CNTLN: variants seen among roughly 807,000 people sequenced by gnomAD.
The protein encoded by CNTLN is centlein, centrosomal protein.
A neutral mutation model predicts 180.0 loss-of-function variants in CNTLN; 212 were observed. The ratio of observed to expected loss-of-function variants is 1.18; its 90% CI spans 1.05 to 1.32. The LOEUF (loss-of-function observed/expected upper bound fraction) is 1.32, where lower values mean the gene tolerates loss of function less well. Ranked by LOEUF, CNTLN falls within the 40% of genes most tolerant of loss-of-function variation. The probability of loss-of-function intolerance (pLI) is 0.00; values close to 1 mark genes in which losing one functional copy is unlikely to be tolerated. For synonymous variants in CNTLN, 722 were observed against 563.1 expected (o/e 1.28, Z -3.99); for missense variants, 2,095 against 1,610.9 (o/e 1.30, Z -5.14).
Position 17,416,205 on chromosome 9 carries a change from A to G in CNTLN, c.3114+16A>G, listed in dbSNP as rs1476205422. On this transcript the variant is annotated intron_variant, in intron 18 of 25. Coordinates refer to ENST00000380647, the MANE Select transcript of CNTLN (RefSeq NM_017738.4). Reference sequence around the variant, plus strand: ...GACAATAAAGGTAAAGAGAACTTTAAGATTGAACAGTAGTATACTATATTG... The same window carrying G: ...GACAATAAAGGTAAAGAGAACTTTAGGATTGAACAGTAGTATACTATATTG... 6.4e-7 allele frequency: 1 copy of G among 1,571,180 alleles called. No individual in the cohort carries two copies. Among genetic ancestry groups the G allele is most frequent in the African/African-American group, 1.4e-5 (1 of 73,644 alleles).
At chr9:17,348,137 A>T (rs1286377961) in intron 12 of CNTLN, among the ~76,000 whole-genome samples, 1 of 152,064 alleles carries the variant, frequency 6.6e-6, no homozygotes, top group Non-Finnish European at 1.5e-5. Context: ...ACCAAAACCC[A>T]TTTTATGATA....
chr9:17,296,007 T>A (rs924305075), intron 6 of CNTLN, among the ~76,000 whole-genome samples: 190 of 92,468 alleles, frequency 2.1e-3, no homozygotes, highest in African/African-American at 5.9e-3. Context: ...AGTGTGTGTG[T>A]GTGTGTGTGT....
At chr9:17,198,603 T>G (rs1822299224) in intron 2 of CNTLN, among the ~76,000 whole-genome samples, 1 of 144,034 alleles carries the variant, frequency 6.9e-6, no homozygotes, top group Non-Finnish European at 1.5e-5. Context: ...TGTATGTTAA[T>G]TTTTTTTTTT....
chr9:17,378,655 C>T (rs112527271), intron 13 of CNTLN, among the ~76,000 whole-genome samples: 83 of 151,942 alleles, frequency 5.5e-4, no homozygotes, highest in Non-Finnish European at 1.1e-3. Flanking sequence ...TTCTTTTCTT[C>T]CTTTGTGGCT....
chr9:17,181,195 C>G (rs1176722356), intron 2 of CNTLN, among the ~76,000 whole-genome samples: 4 of 152,124 alleles, frequency 2.6e-5, no homozygotes, highest in Admixed American at 2.6e-4. Context: ...AGATCTTTGA[C>G]AGGCCTCTGA....
At chr9:17,357,661 A>G (rs920062351) in intron 12 of CNTLN, among the ~76,000 whole-genome samples, 3 of 149,388 alleles carry the variant, frequency 2.0e-5, no homozygotes, top group East Asian at 1.9e-4. Flanking sequence ...AAAGAATTAC[A>G]TAAGAAAATC....
At chr9:17,360,737 G>GTTTTT (rs1476035113) in intron 12 of CNTLN, among the ~76,000 whole-genome samples, 1 of 152,190 alleles carries the variant, frequency 6.6e-6, no homozygotes, top group East Asian at 1.9e-4. Flanking sequence ...CGTCCTTCTG[G>GTTTTT]TATTTATTTT....
chr9:17,174,953 G>T (rs779192722), intron 2 of CNTLN, among the ~76,000 whole-genome samples: 1 of 152,056 alleles, frequency 6.6e-6, no homozygotes, highest in Admixed American at 6.5e-5. Flanking sequence ...TGTCCTCTTC[G>T]ATGAGGACAT....
chr9:17,384,332 G>A (rs887117393), intron 13 of CNTLN, among the ~76,000 whole-genome samples: 21 of 149,784 alleles, frequency 1.4e-4, no homozygotes, highest in Admixed American at 1.1e-3. Flanking sequence ...CCTACCTCTC[G>A]TCCTAGAAAA....
intron 3 of CNTLN, among the ~76,000 whole-genome samples, chr9:17,228,994 A>C (rs1824647949): frequency 6.6e-6 from 1 of 152,106 alleles, no homozygotes; most frequent in Admixed American, 6.6e-5. Context: ...TGGAAGCATG[A>C]ATCTGATGAA....
At chr9:17,293,801 C>A (rs563065945) in intron 6 of CNTLN, among the ~76,000 whole-genome samples, 1 of 152,122 alleles carries the variant, frequency 6.6e-6, no homozygotes, top group Non-Finnish European at 1.5e-5. Flanking sequence ...TGCTGAGAGG[C>A]CACCAAGAGG....
chr9:17,263,678 A>T (rs930302525), intron 5 of CNTLN, among the ~76,000 whole-genome samples: 25 of 143,020 alleles, frequency 1.7e-4, no homozygotes, highest in Non-Finnish European at 3.3e-4. Flanking sequence ...AAGTGTTCCT[A>T]TTTCTGCACA....
chr9:17,355,303 G>T lies in CNTLN; in HGVS notation c.1887-11314G>T, dbSNP rs547481156. On this transcript the variant is annotated intron_variant, in intron 12 of 25. Coordinates refer to ENST00000380647, the MANE Select transcript of CNTLN (RefSeq NM_017738.4). ...GCCTCCCAAACTGCTGGGATTACAG[G>T]TGTGAGCCACCGTGCCCAGCCATAG... Among the ~76,000 whole-genome samples the T allele has an allele frequency of 9.3e-4, 141 of 152,296 alleles. 2 individuals carry two copies. The highest frequency in any genetic ancestry group is 3.1e-3 in the African/African-American group (127 of 41,556).
At chr9:17,330,576 A>C (rs1820577014) in intron 8 of CNTLN, 56 bp from the exon 9 acceptor site, 2 of 938,992 alleles carry the variant, frequency 2.1e-6, no homozygotes, top group Non-Finnish European at 1.5e-6. Flanking sequence ...ATTTATTTAT[A>C]AATAATGTAA....
Position 17,332,588 on chromosome 9 carries a change from C to G in CNTLN, c.1519-17C>G. The G allele has an allele frequency of 6.3e-7, 1 of 1,594,142 alleles. No individual in the cohort carries two copies. Among genetic ancestry groups the G allele is most frequent in the Non-Finnish European group, 8.5e-7 (1 of 1,171,584 alleles). ...GTGTTCCAACTAGTTCAACCATGTC[C>G]TTGTTTTATTCTCGAGGAACCACCT... On this transcript the variant is annotated splice_polypyrimidine_tract_variant and intron_variant, in intron 9 of 25. Coordinates refer to ENST00000380647, the MANE Select transcript of CNTLN (RefSeq NM_017738.4).
At position 17,163,800 on chromosome 9, in the gene CNTLN, T is replaced by C. The variant is rs1372203044; in HGVS notation, c.449+20424T>C. 2.0e-5 allele frequency among the ~76,000 whole-genome samples: 3 copies of C among 151,976 alleles called. No individual in the cohort carries two copies. The East Asian group carries it at 5.8e-4, about 29-fold the overall frequency. ...CCCAGCACTTTGGGCGGCTGAGGCA[T>C]GTGGATTGCTTGAGCTCAGGAGTTC... On this transcript the variant is annotated intron_variant, in intron 2 of 25. Transcript: ENST00000380647.
intron 13 of CNTLN, among the ~76,000 whole-genome samples, chr9:17,376,001 A>G (rs1165544581): frequency 6.6e-6 from 1 of 152,210 alleles, no homozygotes; most frequent in Admixed American, 6.5e-5. Context: ...ATTAGTTTTC[A>G]TATACCCTTC....
intron 23 of CNTLN, among the ~76,000 whole-genome samples, chr9:17,470,657 C>T (rs1031205526): frequency 1.3e-5 from 2 of 151,860 alleles, no homozygotes; most frequent in Non-Finnish European, 2.9e-5. Flanking sequence ...GAATAAAACA[C>T]ACAAGGGAAA....
At chr9:17,333,396 C>T (rs1469191747) in intron 10 of CNTLN, among the ~76,000 whole-genome samples, 1 of 151,870 alleles carries the variant, frequency 6.6e-6, no homozygotes, top group Non-Finnish European at 1.5e-5. Context: ...CTCTTTCATT[C>T]TTCATTCACA....
Sources: gnomAD v4.1 joint callset for allele counts (sites outside exome capture counted in the v4.1 genomes callset) on GRCh38, gnomAD v4.1.1 for gene constraint, MANE v1.5 for transcripts, NCBI Gene and HGNC (gene_info 2026-07-23, HGNC 2026-07-21) for gene names.